Variants in RELN observed in about 807,000 individuals in gnomAD.
RELN encodes reelin.
Under a neutral mutation model 427.6 loss-of-function variants are expected in RELN, and 108 were observed. The observed-to-expected ratio is 0.25, with a 90% CI of 0.22 to 0.30. The LOEUF is 0.30. RELN is among the 10% of genes least tolerant of loss of function. RELN has a pLI of 1.00. For synonymous variants in RELN, 1,524 were observed against 1,513.4 expected, an observed-to-expected ratio of 1.01 and a Z score of -0.16; for missense variants, 3,715 against 4,302.8, an observed-to-expected ratio of 0.86 and a Z score of 3.82.
chr7:103,637,855 C>T (rs1832616265), intron 17 of RELN, among the ~76,000 whole-genome samples: 1 of 152,130 alleles, frequency 6.6e-6, no homozygotes, highest in South Asian at 2.1e-4. Flanking sequence ...CTTAGCAAGA[C>T]TATCTATTCC....
chr7:103,715,926 A>G (rs10247465), intron 8 of RELN, among the ~76,000 whole-genome samples: 89,068 of 152,056 alleles, frequency 0.59, 26,911 homozygotes, highest in African/African-American at 0.74. Flanking sequence ...TGTAAACTAC[A>G]CCCGAATGCT....
At chr7:103,631,587 T>C (rs1832468811) in intron 19 of RELN, among the ~76,000 whole-genome samples, 1 of 152,152 alleles carries the variant, frequency 6.6e-6, no homozygotes, top group Non-Finnish European at 1.5e-5. Flanking sequence ...CCACTGTGCC[T>C]GGCCCTAAAA....
chr7:103,593,859 A>G lies in RELN; in HGVS notation c.3735T>C (p.Phe1245=), dbSNP rs1562910986. 6.2e-7 allele frequency: 1 copy of G among 1,613,748 alleles called. No homozygotes were observed. ...LPQNFYEKPA[F]DYPMNQMSVW... ...CACTCATCTGATTCATAGGGTAATC[A>G]AAAGCTGGCTTCTCATAAAAGTTCT... Residue 1245 remains phenylalanine, a synonymous_variant, in exon 27 of 65, where the codon TTT becomes TTC. Coordinates refer to ENST00000428762, the MANE Select transcript of RELN (RefSeq NM_005045.4).
In RELN at chr7:103,660,393, C is replaced by T. The variant is rs529831757; in HGVS notation, c.1441+983G>A. ...TGTCCTTAAATGTGAGACTATATTA[C>T]TTTATTTTATATGCACAATTTCTCT... On this transcript the variant is annotated intron_variant, in intron 12 of 64. Coordinates refer to ENST00000428762, the MANE Select transcript of RELN (RefSeq NM_005045.4). 1.2e-4 allele frequency among the ~76,000 whole-genome samples: 19 copies of T among 152,282 alleles called. No individual in the cohort carries two copies. The South Asian group carries it at 3.7e-3, about 30-fold the overall frequency.
intron 1 of RELN, among the ~76,000 whole-genome samples, chr7:103,930,250 CAT>C (rs1354537529): frequency 6.6e-6 from 1 of 152,178 alleles, no homozygotes; most frequent in African/African-American, 2.4e-5. Context: ...TCTATCTGCA[CAT>C]GTCTGTATCC....
At chr7:103,680,120 A>G (rs1833621893) in intron 11 of RELN, among the ~76,000 whole-genome samples, 1 of 152,140 alleles carries the variant, frequency 6.6e-6, no homozygotes, top group African/African-American at 2.4e-5. Context: ...CCCCCAAACA[A>G]TAAGAGCAAG....
At chr7:103,508,760 G>T (rs1223753992) in intron 51 of RELN, among the ~76,000 whole-genome samples, 1 of 152,118 alleles carries the variant, frequency 6.6e-6, no homozygotes. Flanking sequence ...AAACCCCATC[G>T]TCTCAGCCCA....
intron 1 of RELN, among the ~76,000 whole-genome samples, chr7:103,962,726 C>T (rs1391059339): frequency 6.6e-6 from 1 of 151,340 alleles, no homozygotes; most frequent in Non-Finnish European, 1.5e-5. Context: ...CTGCCATTAC[C>T]AAAACATAGC....
intron 41 of RELN, among the ~76,000 whole-genome samples, chr7:103,550,004 T>C (rs1422171362): frequency 6.6e-6 from 1 of 152,230 alleles, no homozygotes; most frequent in African/African-American, 2.4e-5. Context: ...CTATCAGTTC[T>C]TGAGGACTTT....
At chr7:103,946,297 A>C (rs991928258) in intron 1 of RELN, among the ~76,000 whole-genome samples, 3 of 152,204 alleles carry the variant, frequency 2.0e-5, no homozygotes, top group Admixed American at 2.0e-4. Context: ...CTTAACCTCA[A>C]CTACAACTTT....
In RELN at chr7:103,917,101, A is replaced by T. The variant is rs764845581; in HGVS notation, c.311T>A (p.Ile104Asn). Residue 104 changes from isoleucine (I) to asparagine (N), a missense_variant, in exon 2 of 65, where the codon ATT becomes AAT. Ile to Asn is a moderately radical substitution (Grantham distance 149). Around this residue, in one of 4 missense-constraint regions of RELN, gnomAD observed 2,208 missense variants for 2,361.7 expected, o/e 0.93. Coordinates refer to ENST00000428762, the MANE Select transcript of RELN (RefSeq NM_005045.4). ...AAATCCGAAAGCACTGGAACCTCCA[A>T]TGCTCTGTGATGCCTGAACACTTGT... ...TSTSVQASQS[I>N]GGSSAFGFGI... 1 of 1,613,444 alleles carries T rather than the reference A, an allele frequency of 6.2e-7. No homozygotes were observed. Among genetic ancestry groups the T allele is most frequent in the African/African-American group, 1.3e-5 (1 of 74,884 alleles).
At chr7:103,834,544 T>G (rs1793354592) in intron 2 of RELN, among the ~76,000 whole-genome samples, 1 of 152,170 alleles carries the variant, frequency 6.6e-6, no homozygotes, top group Admixed American at 6.6e-5. Context: ...CTTTTTCTAA[T>G]AAGGTGATTA....
Position 103,553,112 on chromosome 7 carries a change from T to C in RELN, c.6072+349A>G, listed in dbSNP as rs530482445. ...ATCCTAGCATGGCATAGACTATAGT[T>C]ACATTGACCTAGTCCCTAAGAAATT... On this transcript the variant is annotated intron_variant, in intron 40 of 64. Coordinates refer to ENST00000428762, the MANE Select transcript of RELN (RefSeq NM_005045.4). Among the ~76,000 whole-genome samples, 55 of 152,280 alleles carry C rather than the reference T, an allele frequency of 3.6e-4. No homozygotes were observed. In the South Asian group the frequency reaches 9.9e-3, roughly 28 times the overall value.
intron 2 of RELN, among the ~76,000 whole-genome samples, chr7:103,879,830 C>A (rs558701127): frequency 6.6e-6 from 1 of 152,250 alleles, no homozygotes; most frequent in African/African-American, 2.4e-5. Context: ...ACAACTAAAG[C>A]ACTGGTAGGA....
chr7:103,813,676 T>C (rs1156598715), intron 3 of RELN, among the ~76,000 whole-genome samples: 3 of 152,132 alleles, frequency 2.0e-5, no homozygotes, highest in African/African-American at 2.4e-5. Flanking sequence ...CTGAATCTTA[T>C]GCCATGAGCA....
intron 11 of RELN, among the ~76,000 whole-genome samples, chr7:103,667,681 T>G (rs1833300713): frequency 6.6e-6 from 1 of 152,220 alleles, no homozygotes; most frequent in South Asian, 2.1e-4. Flanking sequence ...TCAAACTTTG[T>G]TGGAAGTCAT....
chr7:103,704,088 G>GT (rs1028921908), intron 8 of RELN, among the ~76,000 whole-genome samples: 1 of 152,154 alleles, frequency 6.6e-6, no homozygotes, highest in African/African-American at 2.4e-5. Flanking sequence ...AAGAAATGAT[G>GT]TTTTTTGTGA....
Position 103,784,422 on chromosome 7 carries a change from C to T in RELN, c.474-7795G>A, listed in dbSNP as rs533431119. 3.9e-5 allele frequency among the ~76,000 whole-genome samples: 6 copies of T among 152,196 alleles called. 1 individual carries two copies. The East Asian group carries it at 5.8e-4, about 15-fold the overall frequency. ...AGCAGCCCAGCTAACAGTGACCTGG[C>T]GTAAGCATGTGAAAGCATCCACATT... On this transcript the variant is annotated intron_variant, in intron 3 of 64. Coordinates refer to ENST00000428762, the MANE Select transcript of RELN (RefSeq NM_005045.4).
intron 3 of RELN, among the ~76,000 whole-genome samples, chr7:103,831,521 C>T (rs1383148699): frequency 2.0e-5 from 3 of 152,056 alleles, no homozygotes; most frequent in Admixed American, 6.6e-5. Flanking sequence ...TGTGACTATA[C>T]GCGTCAATTT....
Sources: allele counts gnomAD v4.1 joint callset (sites outside exome capture counted in the v4.1 genomes callset), GRCh38; gene constraint gnomAD v4.1.1; regional missense constraint gnomAD v4.1.1; transcripts MANE v1.5; gene names NCBI Gene and HGNC (gene_info 2026-07-23, HGNC 2026-07-21).